The following TRERF1 variants were observed in gnomAD, a reference collection of about 807,000 sequenced individuals.
TRERF1 encodes transcriptional-regulating factor 1.
In TRERF1, 27 loss-of-function variants were observed where a neutral mutation model predicts 122.9. The observed-to-expected ratio is 0.22, with a 90% CI of 0.16 to 0.30. The LOEUF is 0.30. TRERF1 is among the 10% of genes least tolerant of loss of function. The pLI is 1.00. For missense variants in TRERF1, 1,248 were observed against 1,560.3 expected (o/e 0.80, Z 3.37); for synonymous variants, 636 against 641.7 (o/e 0.99, Z 0.13).
chr6:42,363,247 G>T (rs926357799), intron 2 of TRERF1, among the ~76,000 whole-genome samples, 168 bp from the exon 3 acceptor site: 1 of 152,196 alleles, frequency 6.6e-6, no homozygotes, highest in Non-Finnish European at 1.5e-5. Context: ...GCTGAGGAAG[G>T]TCCCGGGGGA....
At chr6:42,424,114 T>C (rs1017969552) in intron 2 of TRERF1, among the ~76,000 whole-genome samples, 30 of 152,248 alleles carry the variant, frequency 2.0e-4, no homozygotes, top group African/African-American at 7.2e-4. Flanking sequence ...ACAATGTATG[T>C]ACCCATTCTC....
intron 2 of TRERF1, among the ~76,000 whole-genome samples, chr6:42,403,313 T>C (rs980262661): frequency 5.9e-5 from 9 of 152,150 alleles, no homozygotes; most frequent in Non-Finnish European, 1.0e-4. Flanking sequence ...ACATAGTTAG[T>C]TAAGATGAGG....
Position 42,228,593 on chromosome 6 carries a change from C to A in TRERF1, c.3355G>T (p.Ala1119Ser). The A allele has an allele frequency of 6.2e-7, 1 of 1,614,228 alleles. No individual in the cohort carries two copies. The highest frequency in any genetic ancestry group is 8.5e-7 in the Non-Finnish European group (1 of 1,180,044). Reference sequence around the variant, plus strand: ...TCAGCTGCAAAAGCCGCCTTCTGAGCCTTTTGCCTCTGTTGTTCCTCCTGC... The same window carrying A: ...TCAGCTGCAAAAGCCGCCTTCTGAGACTTTTGCCTCTGTTGTTCCTCCTGC... The change falls in exon 18 of 18, where the codon GCT (alanine) becomes TCT (serine). Residue 1119 changes from alanine to serine, a missense_variant. Ala to Ser is a moderately conservative substitution (Grantham distance 99). Transcript: ENST00000372922. This position sits in a 1 kb window ranked among gnomAD's most constrained non-coding sequence, Gnocchi z 4.2.
intron 2 of TRERF1, among the ~76,000 whole-genome samples, chr6:42,413,594 T>A (rs1353685539): frequency 6.6e-6 from 1 of 152,118 alleles, no homozygotes; most frequent in African/African-American, 2.4e-5. Flanking sequence ...CATGCCCAGC[T>A]AATTTTTGTA....
chr6:42,344,407 G>A lies in TRERF1; in HGVS notation c.-371+18590C>T, dbSNP rs1013904370. 3.3e-5 allele frequency among the ~76,000 whole-genome samples: 5 copies of A among 152,258 alleles called. No individual in the cohort carries two copies. The East Asian group carries it at 5.8e-4, about 18-fold the overall frequency. On this transcript the variant is annotated intron_variant, in intron 3 of 17. Transcript: ENST00000372922. ...ACAAAAATCCTATTATTTTGTAAAT[G>A]AGGAAACTGAGGCCCAGAGAAGATG...
At chr6:42,390,023 C>T (rs894854395) in intron 2 of TRERF1, among the ~76,000 whole-genome samples, 19 of 152,160 alleles carry the variant, frequency 1.2e-4, no homozygotes, top group African/African-American at 4.6e-4. Flanking sequence ...TATACGTGGG[C>T]CCTTTACAAT....
intron 2 of TRERF1, among the ~76,000 whole-genome samples, chr6:42,426,456 C>T (rs1783647216): frequency 6.6e-6 from 1 of 152,160 alleles, no homozygotes; most frequent in Admixed American, 6.5e-5. Flanking sequence ...GTAAAGTTAC[C>T]TAGATTTCCA....
At chr6:42,349,249 C>CT (rs757373141) in intron 3 of TRERF1, among the ~76,000 whole-genome samples, 26 of 152,068 alleles carry the variant, frequency 1.7e-4, no homozygotes, top group Non-Finnish European at 3.2e-4. Context: ...AATTCCAGAC[C>CT]TTTGGGTGGC....
chr6:42,360,770 T>TAAAAAAAAAAA (rs1491517636), intron 3 of TRERF1, among the ~76,000 whole-genome samples: 6 of 64,098 alleles, frequency 9.4e-5, no homozygotes, highest in African/African-American at 2.8e-4. Context: ...AGTGGAGAGA[T>TAAAAAAAAAAA]TAAAAAAAAA....
intron 6 of TRERF1, among the ~76,000 whole-genome samples, chr6:42,265,204 TAG>T (rs2149851670): frequency 6.6e-6 from 1 of 152,324 alleles, no homozygotes; most frequent in South Asian, 2.1e-4. Context: ...CCTCCCCACT[TAG>T]AGACATTTGT....
At chr6:42,288,853 AG>A (rs1240707879) in intron 4 of TRERF1, among the ~76,000 whole-genome samples, 1 of 152,134 alleles carries the variant, frequency 6.6e-6, no homozygotes, top group Non-Finnish European at 1.5e-5. Context: ...GAAACTGGAC[AG>A]GGGGCAAGGG....
intron 4 of TRERF1, among the ~76,000 whole-genome samples, chr6:42,300,199 A>G (rs112488058): frequency 3.3e-5 from 5 of 152,324 alleles, no homozygotes; most frequent in African/African-American, 1.2e-4. Context: ...CTGGCTGGAA[A>G]CTGGCCTGAC....
chr6:42,439,432 A>C (rs1398236228), intron 2 of TRERF1, among the ~76,000 whole-genome samples: 1 of 152,152 alleles, frequency 6.6e-6, no homozygotes, highest in Non-Finnish European at 1.5e-5. Flanking sequence ...AAGAAGCTGA[A>C]AGTCGGCTGG....
In TRERF1 at chr6:42,313,220, C is replaced by A. The variant is rs948971870; in HGVS notation, c.-370-12471G>T. ...CTCTCTGGTGCTTCCCAAGGAACGT[C>A]TTCAAGAGAAGGCTCCGGCTCTGAG... On this transcript the variant is annotated intron_variant, in intron 3 of 17. Transcript: ENST00000372922. 9.8e-5 allele frequency among the ~76,000 whole-genome samples: 15 copies of A among 152,288 alleles called. 1 individual carries two copies. The highest frequency in any genetic ancestry group is 9.2e-4 in the Admixed American group (14 of 15,300).
At chr6:42,245,912 A>G (rs2149619136) in intron 14 of TRERF1, among the ~76,000 whole-genome samples, 1 of 152,342 alleles carries the variant, frequency 6.6e-6, no homozygotes, top group Non-Finnish European at 1.5e-5. Flanking sequence ...GTTCAAGACC[A>G]GCCTGGCCAA....
chr6:42,298,290 G>A (rs1275551100), intron 4 of TRERF1, among the ~76,000 whole-genome samples: 3 of 151,640 alleles, frequency 2.0e-5, no homozygotes, highest in African/African-American at 7.3e-5. Flanking sequence ...AGAGTAGCTG[G>A]GATTATAGGT....
chr6:42,259,563 A>G lies in TRERF1; in HGVS notation c.2045T>C (p.Leu682Pro). 4.3e-6 allele frequency: 7 copies of G among 1,613,758 alleles called. No homozygotes were observed. The highest frequency in any genetic ancestry group is 5.9e-6 in the Non-Finnish European group (7 of 1,179,862). The change falls in exon 9 of 18, where the codon CTG becomes CCG. Residue 682 changes from leucine to proline, a missense_variant. Leu to Pro is a moderately conservative substitution (Grantham distance 98). This residue lies in a region of TRERF1 where 946 missense variants were observed against 1,073.0 expected (regional missense o/e 0.88). Coordinates refer to ENST00000372922, the Ensembl canonical transcript of TRERF1. The surrounding 1 kb of genome is among the most constrained non-coding windows in gnomAD (Gnocchi z 4.9). ...CGGGGAGCGCAGCTGGCTCTGGTAC[A>G]GGGTGGCGCCCGAGTAGGAGGCAGC... is the stretch of plus-strand genomic sequence containing the variant.
chr6:42,389,630 C>T (rs528043856), intron 2 of TRERF1, among the ~76,000 whole-genome samples: 2 of 152,302 alleles, frequency 1.3e-5, no homozygotes, highest in African/African-American at 4.8e-5. Flanking sequence ...ATTATCCAGC[C>T]GTCATTGATT....
At chr6:42,387,891 T>C (rs890760115) in intron 2 of TRERF1, among the ~76,000 whole-genome samples, 3 of 152,140 alleles carry the variant, frequency 2.0e-5, no homozygotes, top group Non-Finnish European at 4.4e-5. Context: ...CACTACAACT[T>C]CTGCCTCCCA....
Sources: allele counts gnomAD v4.1 joint callset (sites outside exome capture counted in the v4.1 genomes callset), GRCh38; gene constraint gnomAD v4.1.1; regional missense constraint gnomAD v4.1.1; non-coding constraint Gnocchi (gnomAD v3.1); transcripts MANE v1.5; gene names NCBI Gene and HGNC (gene_info 2026-07-23, HGNC 2026-07-21).